The following CCDC102B variants were observed in gnomAD, a reference collection of about 807,000 sequenced individuals.
The protein encoded by CCDC102B is coiled-coil domain-containing protein 102B.
In CCDC102B, 75 loss-of-function variants were observed where a neutral mutation model predicts 57.4. The ratio of observed to expected loss-of-function variants is 1.31; its 90% confidence interval spans 1.08 to 1.58. The LOEUF is 1.58. Ranked by LOEUF, CCDC102B falls within the 40% of genes most tolerant of loss-of-function variation. The probability of loss-of-function intolerance (pLI) is 0.00; values close to 1 mark genes in which losing one functional copy is unlikely to be tolerated. For missense variants in CCDC102B, 636 were observed against 582.6 expected, an observed-to-expected ratio of 1.09 and a Z score of -0.94; for synonymous variants, 206 against 201.9, an observed-to-expected ratio of 1.02 and a Z score of -0.17.
intron 6 of CCDC102B, among the ~76,000 whole-genome samples, chr18:68,983,189 TG>T (rs1285814320): frequency 1.3e-5 from 2 of 151,822 alleles, no homozygotes; most frequent in East Asian, 3.9e-4. Context: ...TTATATAATT[TG>T]GGTGAGTATA....
At chr18:68,923,251 C>T (rs971065001) in intron 6 of CCDC102B, among the ~76,000 whole-genome samples, 2 of 151,352 alleles carry the variant, frequency 1.3e-5, no homozygotes, top group African/African-American at 4.9e-5. Context: ...AAAATTTTTC[C>T]AGGCACAAAT....
At chr18:68,775,366 T>C (rs1187954465) in intron 2 of CCDC102B, among the ~76,000 whole-genome samples, 1 of 152,072 alleles carries the variant, frequency 6.6e-6, no homozygotes, top group Non-Finnish European at 1.5e-5. Context: ...TCATTTTCAG[T>C]TGTTTAGTTA....
chr18:68,866,393 T>G (rs1209112019), intron 4 of CCDC102B: 1 of 152,422 alleles, frequency 6.6e-6, no homozygotes, highest in Non-Finnish European at 1.5e-5. Context: ...AACATAAAAT[T>G]GTAAGTAGAT....
intron 2 of CCDC102B, among the ~76,000 whole-genome samples, chr18:68,747,597 T>C (rs2033671535): frequency 6.6e-6 from 1 of 152,134 alleles, no homozygotes; most frequent in East Asian, 1.9e-4. Flanking sequence ...ATAGACACTT[T>C]ATGTACATGG....
chr18:68,831,501 G>A (rs2144769105), intron 1 of CCDC102B, among the ~76,000 whole-genome samples: 1 of 152,194 alleles, frequency 6.6e-6, no homozygotes, highest in South Asian at 2.1e-4. Flanking sequence ...CTCATTTTAT[G>A]TTACAATGCT....
At chr18:69,035,260 C>T (rs779708581) in intron 7 of CCDC102B, among the ~76,000 whole-genome samples, 1 of 151,956 alleles carries the variant, frequency 6.6e-6, no homozygotes, top group South Asian at 2.1e-4. Context: ...TTTTAACAAT[C>T]GTCCAGTAGG....
At chr18:68,880,496 A>G (rs1599625570) in intron 5 of CCDC102B, among the ~76,000 whole-genome samples, 2 of 152,220 alleles carry the variant, frequency 1.3e-5, no homozygotes. Context: ...GTGGGAGCCC[A>G]GGCAGAGGAG....
At chr18:68,972,578 A>G (rs2050331137) in intron 6 of CCDC102B, among the ~76,000 whole-genome samples, 1 of 152,206 alleles carries the variant, frequency 6.6e-6, no homozygotes. Context: ...ATAAAATCCC[A>G]TCAGAGTTGA....
chr18:68,931,496 G>C (rs983888363), intron 6 of CCDC102B, among the ~76,000 whole-genome samples: 5 of 151,578 alleles, frequency 3.3e-5, no homozygotes, highest in Non-Finnish European at 2.9e-5. Flanking sequence ...TTTTCGGTTG[G>C]GGGGTGTGAG....
intron 6 of CCDC102B, among the ~76,000 whole-genome samples, chr18:68,942,481 G>A (rs2049406061): frequency 6.6e-6 from 1 of 152,040 alleles, no homozygotes; most frequent in Non-Finnish European, 1.5e-5. Flanking sequence ...AGAGGGGAAT[G>A]TGGCAGGACA....
intron 6 of CCDC102B, among the ~76,000 whole-genome samples, chr18:68,907,333 A>G (rs1310285323): frequency 6.6e-6 from 1 of 151,450 alleles, no homozygotes; most frequent in African/African-American, 2.4e-5. Context: ...CCATTTTTGC[A>G]AATAAAAAAA....
At chr18:68,983,191 G>T (rs2050638409) in intron 6 of CCDC102B, among the ~76,000 whole-genome samples, 1 of 151,360 alleles carries the variant, frequency 6.6e-6, no homozygotes. Context: ...ATATAATTTG[G>T]GTGAGTATAT....
At chr18:69,019,618 G>A (rs72959961) in intron 7 of CCDC102B, among the ~76,000 whole-genome samples, 1 of 152,032 alleles carries the variant, frequency 6.6e-6, no homozygotes, top group Non-Finnish European at 1.5e-5. Context: ...GTTTCAACAA[G>A]TTTTTGGTGG....
intron 2 of CCDC102B, 21 bp downstream of exon 2, chr18:68,837,390 T>G (rs1242826125): frequency 6.3e-7 from 1 of 1,588,612 alleles, no homozygotes. Context: ...AATCCAGAGA[T>G]GATGTGAATT....
At chr18:68,943,552 AT>A (rs893166470) in intron 6 of CCDC102B, among the ~76,000 whole-genome samples, 12 of 152,158 alleles carry the variant, frequency 7.9e-5, no homozygotes, top group African/African-American at 2.9e-4. Context: ...TCACTCAAAA[AT>A]TTGAACAAAA....
At chr18:68,986,922 G>A (rs1324647003) in intron 6 of CCDC102B, among the ~76,000 whole-genome samples, 1 of 152,080 alleles carries the variant, frequency 6.6e-6, no homozygotes, top group African/African-American at 2.4e-5. Flanking sequence ...GAAATCAGAG[G>A]TGATACAAAT....
chr18:68,832,750 A>T (rs2037200125), intron 1 of CCDC102B, among the ~76,000 whole-genome samples: 1 of 144,238 alleles, frequency 6.9e-6, no homozygotes, highest in Non-Finnish European at 1.5e-5. Context: ...TACCTGAAGG[A>T]TGAGAAGCCA....
At chr18:68,796,715 A>C (rs2035640955), upstream of CCDC102B, among the ~76,000 whole-genome samples, 1 of 152,102 alleles carries the variant, frequency 6.6e-6, no homozygotes, top group Admixed American at 6.6e-5. Flanking sequence ...GGAGAGTGTT[A>C]TGCCAAGACA....
At chr18:68,863,357 T>A (rs1048545947) in intron 4 of CCDC102B, among the ~76,000 whole-genome samples, 3 of 151,858 alleles carry the variant, frequency 2.0e-5, no homozygotes, top group Non-Finnish European at 2.9e-5. Context: ...ATTTAAAGGG[T>A]TTGGTTTGAA....
Sources: gnomAD v4.1 joint callset for allele counts (sites outside exome capture counted in the v4.1 genomes callset) on GRCh38, gnomAD v4.1.1 for gene constraint, MANE v1.5 for transcripts, NCBI Gene and HGNC (gene_info 2026-07-23, HGNC 2026-07-21) for gene names.